PVT1: variants seen among roughly 807,000 people sequenced by gnomAD.
The protein encoded by PVT1 is Pvt1 oncogene.
intron 2 of PVT1, among the ~76,000 whole-genome samples, chr8:127,879,082 A>G (rs1354849098): frequency 6.6e-6 from 1 of 152,232 alleles, no homozygotes; most frequent in East Asian, 1.9e-4. Context: ...GCAGTAGATG[A>G]TATTGATGCT....
chr8:127,979,607 C>T (rs141367979), intron 3 of PVT1, among the ~76,000 whole-genome samples: 124 of 152,280 alleles, frequency 8.1e-4, no homozygotes, highest in African/African-American at 2.8e-3. Flanking sequence ...AGAAGTGGAG[C>T]TGTAACAATG....
intron 4 of PVT1, among the ~76,000 whole-genome samples, chr8:128,058,220 T>C (rs1476722744): frequency 2.0e-5 from 3 of 152,212 alleles, no homozygotes; most frequent in South Asian, 4.1e-4. Flanking sequence ...AATTAATGAA[T>C]AGTGATTCGA....
intron 3 of PVT1, among the ~76,000 whole-genome samples, chr8:127,892,171 T>G (rs150396655): frequency 6.6e-6 from 1 of 152,322 alleles, no homozygotes; most frequent in African/African-American, 2.4e-5. Flanking sequence ...TCAGACAGGC[T>G]TCCCTGACCT....
intron 2 of PVT1, among the ~76,000 whole-genome samples, chr8:127,888,123 G>T (rs567539799): frequency 3.3e-4 from 50 of 151,492 alleles, no homozygotes; most frequent in Non-Finnish European, 5.0e-4. Context: ...TGTAATTTTA[G>T]TAGAGACGGG....
At chr8:127,995,483 T>C (rs1817094271) in intron 4 of PVT1, among the ~76,000 whole-genome samples, 1 of 152,230 alleles carries the variant, frequency 6.6e-6, no homozygotes, top group African/African-American at 2.4e-5. Context: ...AATCTATCCA[T>C]TTCTTTGTTC....
At chr8:127,976,432 G>A (rs1816823351) in intron 3 of PVT1, among the ~76,000 whole-genome samples, 1 of 152,164 alleles carries the variant, frequency 6.6e-6, no homozygotes, top group African/African-American at 2.4e-5. Flanking sequence ...TTATATGCAA[G>A]CTTTATACCT....
At chr8:127,823,123 C>T (rs1814751175) in intron 2 of PVT1, among the ~76,000 whole-genome samples, 1 of 152,156 alleles carries the variant, frequency 6.6e-6, no homozygotes, top group African/African-American at 2.4e-5. Flanking sequence ...GGCACGTATG[C>T]TATGATCTCA....
At chr8:127,916,457 G>C (rs554444599) in intron 3 of PVT1, among the ~76,000 whole-genome samples, 3 of 152,244 alleles carry the variant, frequency 2.0e-5, no homozygotes, top group African/African-American at 7.2e-5. Context: ...ATGTGGGCCT[G>C]GTCAGGATTT....
chr8:128,076,909 G>A (rs1339127938), intron 5 of PVT1, among the ~76,000 whole-genome samples: 1 of 152,198 alleles, frequency 6.6e-6, no homozygotes, highest in African/African-American at 2.4e-5. Context: ...GCCCAGAGAA[G>A]GTGCTGAGCT....
At chr8:128,030,075 T>C (rs10755929) in intron 4 of PVT1, among the ~76,000 whole-genome samples, 34,470 of 152,074 alleles carry the variant, frequency 0.23, 4,435 homozygotes, top group Admixed American at 0.38. Context: ...ACTGTGTCAG[T>C]GCACTCCAGC....
At chr8:128,099,266 A>AG (rs1424586839) in intron 6 of PVT1, 1 of 152,226 alleles carries the variant, frequency 6.6e-6, no homozygotes, top group Non-Finnish European at 1.5e-5. Flanking sequence ...TGCTTTCAGG[A>AG]GTGCTTTGGA....
intron 3 of PVT1, among the ~76,000 whole-genome samples, chr8:127,958,829 T>C (rs1319964967): frequency 6.6e-6 from 1 of 152,226 alleles, no homozygotes; most frequent in African/African-American, 2.4e-5. Flanking sequence ...ATCCCATAGC[T>C]GACAGCCACG....
chr8:127,970,960 A>G (rs1197230055), intron 3 of PVT1, among the ~76,000 whole-genome samples: 1 of 152,180 alleles, frequency 6.6e-6, no homozygotes, highest in African/African-American at 2.4e-5. Context: ...GTTTTTGTAA[A>G]TAAAATTGTA....
At chr8:127,869,519 G>A (rs1815327984) in intron 2 of PVT1, among the ~76,000 whole-genome samples, 1 of 152,090 alleles carries the variant, frequency 6.6e-6, no homozygotes, top group Admixed American at 6.6e-5. Context: ...TTGCAGTGTT[G>A]GACTAATATC....
chr8:127,888,151 A>G (rs1815550289), intron 2 of PVT1, among the ~76,000 whole-genome samples: 1 of 151,482 alleles, frequency 6.6e-6, no homozygotes, highest in Non-Finnish European at 1.5e-5. Flanking sequence ...CGTGTTAGCC[A>G]GGATGATCTC....
intron 2 of PVT1, among the ~76,000 whole-genome samples, chr8:127,883,943 C>T (rs1815497567): frequency 6.6e-6 from 1 of 152,200 alleles, no homozygotes; most frequent in Admixed American, 6.5e-5. Context: ...AAGGGGTGTT[C>T]TGATGTCTTT....
At chr8:127,812,824 C>G (rs2129663742) in intron 2 of PVT1, among the ~76,000 whole-genome samples, 1 of 152,216 alleles carries the variant, frequency 6.6e-6, no homozygotes, top group Non-Finnish European at 1.5e-5. Flanking sequence ...TGGAAAAACT[C>G]AGTAAGTCTC....
chr8:127,858,585 A>G (rs1016216043), intron 2 of PVT1, among the ~76,000 whole-genome samples: 1 of 151,934 alleles, frequency 6.6e-6, no homozygotes, highest in African/African-American at 2.4e-5. Context: ...CCAGATGTCA[A>G]AGTGGACTTT....
At chr8:127,809,339 A>G (rs892624472) in intron 2 of PVT1, among the ~76,000 whole-genome samples, 12 of 152,118 alleles carry the variant, frequency 7.9e-5, no homozygotes, top group Admixed American at 1.3e-4. Flanking sequence ...CTACAGGTGC[A>G]TGGCACCACC....
Sources: gnomAD v4.1 joint callset for allele counts (sites outside exome capture counted in the v4.1 genomes callset) on GRCh38, gnomAD v4.1.1 for gene constraint, MANE v1.5 for transcripts, NCBI Gene and HGNC (gene_info 2026-07-23, HGNC 2026-07-21) for gene names.